Variants in PFN2 observed in about 807,000 individuals in gnomAD.
The protein encoded by PFN2 is profilin 2.
Under a neutral mutation model 15.3 loss-of-function variants are expected in PFN2, and 8 were observed. That is an observed-to-expected ratio of 0.52 (90% CI 0.31 to 0.95). The LOEUF is 0.95. PFN2 is among the 40% of genes least tolerant of loss of function. PFN2 has a pLI of 0.05. For missense variants in PFN2, 111 were observed against 182.3 expected, an observed-to-expected ratio of 0.61 and a Z score of 2.25; for synonymous variants, 79 against 67.9, an observed-to-expected ratio of 1.16 and a Z score of -0.81.
Position 149,965,505 on chromosome 3 carries a change from C to G in PFN2, c.*984G>C, listed in dbSNP as rs1722658535. On this transcript the variant is annotated 3_prime_UTR_variant, in exon 3 of 3. Coordinates refer to ENST00000239940, the MANE Select transcript of PFN2 (RefSeq NM_053024.4). Reference sequence around the variant, plus strand: ...AGGTCATGGGAGGAAGTGCTTTTTGCTCTTGTTTTGCCATTGCACTCTTCA... The same window carrying G: ...AGGTCATGGGAGGAAGTGCTTTTTGGTCTTGTTTTGCCATTGCACTCTTCA... The G allele has an allele frequency of 4.3e-6, 6 of 1,406,342 alleles. No individual in the cohort carries two copies. In the South Asian group the frequency reaches 8.4e-5, roughly 20 times the overall value. 87.1% of individuals were successfully genotyped at this position (1,406,342 alleles called of 1,614,324 possible).
At chr3:149,970,660 G>GC in intron 1 of PFN2, 65 bp downstream of exon 1, 1 of 1,422,192 alleles carries the variant, frequency 7.0e-7, no homozygotes, top group Non-Finnish European at 9.3e-7. Flanking sequence ...GCGCTGCGGT[G>GC]CCCCCGCGGC....
chr3:149,967,721 G>A (rs915648608), intron 2 of PFN2, among the ~76,000 whole-genome samples: 6 of 152,210 alleles, frequency 3.9e-5, no homozygotes, highest in Admixed American at 3.9e-4. Context: ...GCAATTAAGA[G>A]TTTCTATAAT....
At chr3:149,968,120 C>A in intron 2 of PFN2, 1 of 417,098 alleles carries the variant, frequency 2.4e-6, no homozygotes, top group Middle Eastern at 6.2e-4. Flanking sequence ...TTTAATAAAG[C>A]TGAAAGTGAG....
At chr3:149,970,170 A>G (rs1427811303) in intron 1 of PFN2, among the ~76,000 whole-genome samples, 1 of 152,074 alleles carries the variant, frequency 6.6e-6, no homozygotes, top group Non-Finnish European at 1.5e-5. Flanking sequence ...AAACCTACGC[A>G]AAGTCGCTTC....
At position 149,965,145 on chromosome 3, in the gene PFN2, C is replaced by A; in HGVS notation, c.*1344G>T. 8.4e-7 allele frequency: 1 copy of A among 1,193,650 alleles called. No individual in the cohort carries two copies. The highest frequency in any genetic ancestry group is 1.6e-5 in the South Asian group (1 of 64,270). 73.9% of individuals were successfully genotyped at this position (1,193,650 alleles called of 1,614,324 possible). A position where few individuals can be genotyped will look rare whatever the true frequency, so the allele number is the denominator to read the frequency against. On this transcript the variant is annotated 3_prime_UTR_variant, in exon 3 of 3. Transcript: ENST00000239940. ...AAAGTAGTGCCATTCGAAAGAAACC[C>A]TTAATAGGTCAGTTAAAATCCATCT... is the stretch of plus-strand genomic sequence containing the variant.
Position 149,965,178 on chromosome 3 carries a change from G to A in PFN2, c.*1311C>T. 6.8e-7 allele frequency: 1 copy of A among 1,467,180 alleles called. No homozygotes were observed. The highest frequency in any genetic ancestry group is 1.3e-5 in the South Asian group (1 of 77,546). The allele number at this position is 1,467,180 out of a possible 1,614,324, so 90.9% of individuals were successfully genotyped here. ...GTCAGTTAAAATCCATCTCACAATA[G>A]CAACAGTTCATTTTAACAATAGTAT... On this transcript the variant is annotated 3_prime_UTR_variant, in exon 3 of 3. Transcript: ENST00000239940.
At chr3:149,970,155 T>A (rs918546508) in intron 1 of PFN2, among the ~76,000 whole-genome samples, 1 of 151,704 alleles carries the variant, frequency 6.6e-6, no homozygotes, top group African/African-American at 2.4e-5. Context: ...GGCCTGGACA[T>A]CGGTAAACCT....
At chr3:149,969,248 G>A (rs1722775767) in intron 1 of PFN2, among the ~76,000 whole-genome samples, 1 of 152,138 alleles carries the variant, frequency 6.6e-6, no homozygotes, top group Admixed American at 6.5e-5. Context: ...CACTGCGGTA[G>A]GCAATAGTAA....
Position 149,966,595 on chromosome 3 carries a change from G to C in PFN2, c.326-9C>G. On this transcript the variant is annotated splice_polypyrimidine_tract_variant and intron_variant, in intron 2 of 2. Transcript: ENST00000239940. ...CATTACAAAGACCAAGACTGAAAGAGAAAGAAGAAAAGTGTTTCAAAAGAA... is the reference window on the plus strand; with the variant it reads ...CATTACAAAGACCAAGACTGAAAGACAAAGAAGAAAAGTGTTTCAAAAGAA... 6.3e-7 allele frequency: 1 copy of C among 1,597,058 alleles called. No individual in the cohort carries two copies. The highest frequency in any genetic ancestry group is 8.6e-7 in the Non-Finnish European group (1 of 1,166,412).
chr3:149,966,417 T>A lies in PFN2; in HGVS notation c.*72A>T. ...TGCATTGCTAATAAAATTTCCAGAA[T>A]TAAGACTTAAGCTTATAGCTAGGAA... On this transcript the variant is annotated 3_prime_UTR_variant, in exon 3 of 3. Coordinates refer to ENST00000239940, the MANE Select transcript of PFN2 (RefSeq NM_053024.4). 1.3e-6 allele frequency: 2 copies of A among 1,598,142 alleles called. No homozygotes were observed. Among genetic ancestry groups the A allele is most frequent in the East Asian group, 2.2e-5 (1 of 44,814 alleles).
chr3:149,968,054 C>A, intron 2 of PFN2: 2 of 266,526 alleles, frequency 7.5e-6, no homozygotes, highest in Non-Finnish European at 1.4e-5. Flanking sequence ...ATTTAACAAT[C>A]TGAAACACCA....
intron 1 of PFN2, among the ~76,000 whole-genome samples, chr3:149,969,507 T>C (rs1229846761): frequency 6.6e-6 from 1 of 152,186 alleles, no homozygotes; most frequent in Admixed American, 6.5e-5. Context: ...GCCAATTCCC[T>C]ACAAGAATTG....
Position 149,965,166 on chromosome 3 carries a change from C to T in PFN2, c.*1323G>A. 1 of 1,393,442 alleles carries T rather than the reference C, an allele frequency of 7.2e-7. No individual in the cohort carries two copies. The highest frequency in any genetic ancestry group is 1.4e-5 in the African/African-American group (1 of 69,060). 86.3% of individuals were successfully genotyped at this position (1,393,442 alleles called of 1,614,324 possible). A position where few individuals can be genotyped will look rare whatever the true frequency, so the allele number is the denominator to read the frequency against. ...AACCCTTAATAGGTCAGTTAAAATC[C>T]ATCTCACAATAGCAACAGTTCATTT... is the stretch of plus-strand genomic sequence containing the variant. On this transcript the variant is annotated 3_prime_UTR_variant, in exon 3 of 3. Coordinates refer to ENST00000239940, the MANE Select transcript of PFN2 (RefSeq NM_053024.4).
At position 149,966,403 on chromosome 3, in the gene PFN2, TA is replaced by T; in HGVS notation, c.*85del. On this transcript the variant is annotated 3_prime_UTR_variant, in exon 3 of 3. Coordinates refer to ENST00000239940, the MANE Select transcript of PFN2 (RefSeq NM_053024.4). ...ATACCCCATCACCCTGCATTGCTAA[TA>T]AAATTTCCAGAATTAAGACTTAAGC... 1 of 1,592,332 alleles carries T rather than the reference TA, an allele frequency of 6.3e-7. No individual in the cohort carries two copies. The highest frequency in any genetic ancestry group is 8.5e-7 in the Non-Finnish European group (1 of 1,171,596).
chr3:149,966,085 T>C lies in PFN2; in HGVS notation c.*404A>G. On this transcript the variant is annotated 3_prime_UTR_variant, in exon 3 of 3. Transcript: ENST00000239940. ...AGAAAATAGGTAAAGAAAAATTAGC[T>C]ACCATCTACAGTTTGGTAGCATTGT... 6.5e-7 allele frequency: 1 copy of C among 1,535,376 alleles called. No individual in the cohort carries two copies. Among genetic ancestry groups the C allele is most frequent in the Non-Finnish European group, 8.7e-7 (1 of 1,144,816 alleles).
At position 149,965,315 on chromosome 3, in the gene PFN2, C is replaced by G; in HGVS notation, c.*1174G>C. 3.3e-6 allele frequency: 5 copies of G among 1,533,678 alleles called. No homozygotes were observed. The highest frequency in any genetic ancestry group is 4.4e-6 in the Non-Finnish European group (5 of 1,145,930). Reference sequence around the variant, plus strand: ...AAAAATTGGTCCTATGAAGAACAAACTGGACACACTCCAGATGGTTATGTT... The same window carrying G: ...AAAAATTGGTCCTATGAAGAACAAAGTGGACACACTCCAGATGGTTATGTT... On this transcript the variant is annotated 3_prime_UTR_variant, in exon 3 of 3. Transcript: ENST00000239940.
Position 149,970,714 on chromosome 3 carries a change from C to A in PFN2, c.132+11G>T. The A allele has an allele frequency of 2.7e-6, 4 of 1,501,150 alleles. No individual in the cohort carries two copies. The highest frequency in any genetic ancestry group is 3.6e-6 in the Non-Finnish European group (4 of 1,120,338). 93.0% of individuals were successfully genotyped at this position (1,501,150 alleles called of 1,614,324 possible). A position where few individuals can be genotyped will look rare whatever the true frequency, so the allele number is the denominator to read the frequency against. On this transcript the variant is annotated intron_variant, in intron 1 of 2. Coordinates refer to ENST00000239940, the MANE Select transcript of PFN2 (RefSeq NM_053024.4). The stretch of plus-strand genomic sequence containing the variant: ...GCAGGGACCAGGGTACCGGCCGCCA[C>A]TGGTCCTCACCGTAATGCTCTGAAA...
intron 1 of PFN2, among the ~76,000 whole-genome samples, chr3:149,969,440 AGC>A (rs1267123882): frequency 6.6e-6 from 1 of 152,220 alleles, no homozygotes; most frequent in East Asian, 1.9e-4. Flanking sequence ...CTAGTCAGAC[AGC>A]GGGAACTCAC....
Position 149,965,155 on chromosome 3 carries a change from C to G in PFN2, c.*1334G>C, listed in dbSNP as rs1156938892. The G allele has an allele frequency of 1.6e-6, 2 of 1,258,336 alleles. No homozygotes were observed. Among genetic ancestry groups the G allele is most frequent in the Admixed American group, 5.1e-5 (2 of 39,098 alleles). The allele number at this position is 1,258,336 out of a possible 1,614,324, so 77.9% of individuals were successfully genotyped here. A position where few individuals can be genotyped will look rare whatever the true frequency, so the allele number is the denominator to read the frequency against. Reference sequence around the variant, plus strand: ...CATTCGAAAGAAACCCTTAATAGGTCAGTTAAAATCCATCTCACAATAGCA... The same window carrying G: ...CATTCGAAAGAAACCCTTAATAGGTGAGTTAAAATCCATCTCACAATAGCA... On this transcript the variant is annotated 3_prime_UTR_variant, in exon 3 of 3. Transcript: ENST00000239940.
Sources: allele counts gnomAD v4.1 joint callset (sites outside exome capture counted in the v4.1 genomes callset), GRCh38; gene constraint gnomAD v4.1.1; transcripts MANE v1.5; gene names NCBI Gene and HGNC (gene_info 2026-07-23, HGNC 2026-07-21).